CBLB: variants seen among roughly 807,000 people sequenced by gnomAD.
The protein encoded by CBLB is E3 ubiquitin-protein ligase CBL-B.
CBLB carries 31 observed loss-of-function variants against 104.9 expected under a neutral mutation model. The observed-to-expected ratio is 0.30, with a 90% CI of 0.22 to 0.40. The LOEUF is 0.40. Ranked by LOEUF, CBLB falls within the 10% of genes least tolerant of loss-of-function variation. The pLI, the probability that CBLB is intolerant of heterozygous loss-of-function variation, is 1.00. For synonymous variants in CBLB, 440 were observed against 422.6 expected (o/e 1.04, Z -0.51); for missense variants, 1,062 against 1,214.6 (o/e 0.87, Z 1.87).
chr3:105,771,955 A>G (rs376178664), intron 4 of CBLB, among the ~76,000 whole-genome samples: 19 of 145,026 alleles, frequency 1.3e-4, no homozygotes, highest in Middle Eastern at 6.8e-3. Context: ...CACTGCTCAA[A>G]GCAATCCAGA....
At chr3:105,695,785 C>G (rs1032845630) in intron 12 of CBLB, among the ~76,000 whole-genome samples, 2 of 151,810 alleles carry the variant, frequency 1.3e-5, no homozygotes, top group African/African-American at 4.8e-5. Flanking sequence ...TGTGTACTTA[C>G]GTTTTGTCAA....
chr3:105,854,656 G>A (rs994761061), intron 2 of CBLB, among the ~76,000 whole-genome samples: 8 of 149,588 alleles, frequency 5.3e-5, no homozygotes, highest in African/African-American at 2.0e-4. Flanking sequence ...TTTTTAAGAC[G>A]GAGTCTCATT....
chr3:105,670,637 G>A (rs1302217912), intron 17 of CBLB: 3 of 367,632 alleles, frequency 8.2e-6, no homozygotes, highest in Admixed American at 8.7e-5. Context: ...AATAAAAACA[G>A]CTTCTAAATT....
intron 3 of CBLB, among the ~76,000 whole-genome samples, chr3:105,782,833 A>T (rs1577149054): frequency 6.6e-6 from 1 of 151,982 alleles, no homozygotes; most frequent in African/African-American, 2.4e-5. Flanking sequence ...CGGCCTCCCA[A>T]AGTGCTGGGA....
At chr3:105,825,395 G>T (rs571530898) in intron 3 of CBLB, among the ~76,000 whole-genome samples, 8 of 152,290 alleles carry the variant, frequency 5.3e-5, no homozygotes, top group African/African-American at 1.4e-4. Flanking sequence ...AGAAGAGAAG[G>T]GGGGAAAGGA....
chr3:105,782,565 ATTCTT>A (rs1271188414), intron 3 of CBLB, among the ~76,000 whole-genome samples: 4 of 148,028 alleles, frequency 2.7e-5, no homozygotes, highest in Non-Finnish European at 5.9e-5. Context: ...TCTCTGTAGT[ATTCTT>A]TTCTTTTCTT....
chr3:105,673,726 G>C (rs894702881), intron 17 of CBLB: 1 of 152,124 alleles, frequency 6.6e-6, no homozygotes, highest in Non-Finnish European at 1.5e-5. Context: ...AGAACAATTC[G>C]TAATGATTTA....
At chr3:105,683,320 A>G (rs1458873613) in intron 14 of CBLB, among the ~76,000 whole-genome samples, 3 of 152,252 alleles carry the variant, frequency 2.0e-5, no homozygotes, top group Non-Finnish European at 4.4e-5. Context: ...GGAGAGCACA[A>G]AAGAAGATAC....
At chr3:105,700,667 T>C (rs956868426) in intron 12 of CBLB, among the ~76,000 whole-genome samples, 1 of 152,192 alleles carries the variant, frequency 6.6e-6, no homozygotes, top group Admixed American at 6.5e-5. Flanking sequence ...GAGATCCTCA[T>C]ATTTATAATA....
At chr3:105,664,200 T>A (rs1178534897) in intron 18 of CBLB, among the ~76,000 whole-genome samples, 1 of 152,188 alleles carries the variant, frequency 6.6e-6, no homozygotes, top group Non-Finnish European at 1.5e-5. Context: ...CAACAATAAA[T>A]ATAACACTGA....
At chr3:105,770,252 T>A (rs2078709038) in intron 4 of CBLB, among the ~76,000 whole-genome samples, 1 of 152,118 alleles carries the variant, frequency 6.6e-6, no homozygotes, top group Admixed American at 6.5e-5. Flanking sequence ...TGGGAGGCTA[T>A]AGCCTACTAC....
At chr3:105,755,254 C>T (rs1412720723) in intron 4 of CBLB, among the ~76,000 whole-genome samples, 1 of 151,958 alleles carries the variant, frequency 6.6e-6, no homozygotes, top group Admixed American at 6.6e-5. Context: ...GTTCAATTCC[C>T]ACCTATGAGT....
At chr3:105,687,874 T>C (rs1576346079) in intron 13 of CBLB, among the ~76,000 whole-genome samples, 2 of 151,836 alleles carry the variant, frequency 1.3e-5, no homozygotes, top group East Asian at 1.9e-4. Flanking sequence ...ACAAATGAGA[T>C]AAAGAAGTTG....
chr3:105,867,602 C>T lies in CBLB; in HGVS notation c.-14-11G>A. The T allele has an allele frequency of 6.2e-7, 1 of 1,612,914 alleles. No homozygotes were observed. Among genetic ancestry groups the T allele is most frequent in the South Asian group, 1.1e-5 (1 of 91,056 alleles). ...TCTGGAATTTTAGTTCTTTAAAAGG[C>T]AGATTTAAAAAAAGAAAAGTTAGTT... On this transcript the variant is annotated splice_polypyrimidine_tract_variant and intron_variant, in intron 1 of 18. Transcript: ENST00000394030.
At chr3:105,751,917 G>A (rs536968134) in intron 4 of CBLB, among the ~76,000 whole-genome samples, 1 of 152,186 alleles carries the variant, frequency 6.6e-6, no homozygotes, top group Non-Finnish European at 1.5e-5. Flanking sequence ...AAAGTCTTAT[G>A]TGTCATGACC....
intron 13 of CBLB, among the ~76,000 whole-genome samples, chr3:105,689,504 A>C (rs1672871773): frequency 6.6e-6 from 1 of 150,980 alleles, no homozygotes; most frequent in African/African-American, 2.4e-5. Flanking sequence ...ACACAAAAAA[A>C]ATTCTTAAAA....
intron 3 of CBLB, among the ~76,000 whole-genome samples, chr3:105,851,472 A>G (rs1222301024): frequency 6.6e-6 from 1 of 152,226 alleles, no homozygotes; most frequent in African/African-American, 2.4e-5. Context: ...TACATTATGC[A>G]TTTATGGAGC....
intron 3 of CBLB, among the ~76,000 whole-genome samples, chr3:105,838,358 T>C (rs2088950131): frequency 6.8e-6 from 1 of 147,680 alleles, no homozygotes; most frequent in Admixed American, 7.1e-5. Flanking sequence ...TATCATTAAC[T>C]GCCACATGAA....
chr3:105,818,885 A>G (rs1308327221), intron 3 of CBLB, among the ~76,000 whole-genome samples: 4 of 148,532 alleles, frequency 2.7e-5, no homozygotes, highest in Admixed American at 2.0e-4. Flanking sequence ...CTAGAGATTT[A>G]GATTAATTTG....
Sources: gnomAD v4.1 joint callset for allele counts (sites outside exome capture counted in the v4.1 genomes callset) on GRCh38, gnomAD v4.1.1 for gene constraint, MANE v1.5 for transcripts, NCBI Gene and HGNC (gene_info 2026-07-23, HGNC 2026-07-21) for gene names.